Variants in EBF1 observed in about 807,000 individuals in gnomAD.
EBF1 encodes the protein transcription factor COE1.
EBF1 carries 10 observed loss-of-function variants against 68.4 expected under a neutral mutation model. The ratio of observed to expected loss-of-function variants is 0.15; its 90% CI spans 0.09 to 0.25. EBF1 has a LOEUF of 0.25. Ranked by LOEUF, EBF1 falls within the 10% of genes least tolerant of loss-of-function variation. The probability of loss-of-function intolerance (pLI) is 1.00; values close to 1 mark genes in which losing one functional copy is unlikely to be tolerated. For synonymous variants in EBF1, 298 were observed against 299.8 expected (o/e 0.99, Z 0.06); for missense variants, 509 against 794.4 (o/e 0.64, Z 4.32).
Position 159,017,894 on chromosome 5 carries a change from T to C in EBF1, c.554+55502A>G, listed in dbSNP as rs528815477. On this transcript the variant is annotated intron_variant, in intron 6 of 15. Coordinates refer to ENST00000313708, the MANE Select transcript of EBF1 (RefSeq NM_024007.5). ...CTGAAAGGACAGTCTCTAAAAATAC[T>C]AGTGCCTGTATAAACTTCTTTCTCC... Among the ~76,000 whole-genome samples the C allele has an allele frequency of 9.2e-5, 14 of 152,330 alleles. No individual in the cohort carries two copies. In the South Asian group the frequency reaches 1.9e-3, roughly 20 times the overall value.
chr5:158,795,529 T>C (rs12516662), intron 9 of EBF1, among the ~76,000 whole-genome samples: 87 of 152,320 alleles, frequency 5.7e-4, no homozygotes, highest in Admixed American at 4.9e-3. Flanking sequence ...CTTGTAACCC[T>C]AACATTGTTT....
chr5:158,943,975 T>A (rs1343538810), intron 6 of EBF1, among the ~76,000 whole-genome samples: 1 of 152,192 alleles, frequency 6.6e-6, no homozygotes, highest in Non-Finnish European at 1.5e-5. Flanking sequence ...GGACTGCGCC[T>A]TCCTAGACTT....
chr5:158,811,159 T>TG (rs1174187190), intron 8 of EBF1, among the ~76,000 whole-genome samples: 1 of 152,136 alleles, frequency 6.6e-6, no homozygotes, highest in African/African-American at 2.4e-5. Flanking sequence ...TGAGATGGGG[T>TG]GCCTGATAGT....
intron 10 of EBF1, among the ~76,000 whole-genome samples, chr5:158,762,614 C>T (rs775565113): frequency 6.6e-6 from 1 of 152,226 alleles, no homozygotes; most frequent in East Asian, 1.9e-4. Flanking sequence ...CAGCTCACTA[C>T]AAGCTCCACC....
chr5:158,913,759 G>A (rs1271190649), intron 6 of EBF1, among the ~76,000 whole-genome samples: 1 of 152,184 alleles, frequency 6.6e-6, no homozygotes, highest in African/African-American at 2.4e-5. Flanking sequence ...AGTTCGTGGA[G>A]GCTTTTCAAT....
chr5:158,953,195 C>A (rs983148632), intron 6 of EBF1, among the ~76,000 whole-genome samples: 1 of 152,192 alleles, frequency 6.6e-6, no homozygotes, highest in Non-Finnish European at 1.5e-5. Flanking sequence ...ACCGTCAAAC[C>A]CTTGCATCCA....
rs75064376 is a variant in EBF1 at position 159,008,288 on chromosome 5, G to A, written c.554+65108C>T. Among the ~76,000 whole-genome samples, 259 of 152,258 alleles carry A rather than the reference G, an allele frequency of 1.7e-3. 2 individuals are homozygous for A. Among genetic ancestry groups the A allele is most frequent in the Non-Finnish European group, 3.0e-3 (201 of 68,020 alleles). On this transcript the variant is annotated intron_variant, in intron 6 of 15. Transcript: ENST00000313708. Reference sequence around the variant, plus strand: ...CAGTTGAAGATTTATATTCAAAGGTGTTCATCACATGATATTTATAACCAT... The same window carrying A: ...CAGTTGAAGATTTATATTCAAAGGTATTCATCACATGATATTTATAACCAT...
At chr5:159,051,669 AT>A (rs1319069924) in intron 6 of EBF1, among the ~76,000 whole-genome samples, 1 of 151,712 alleles carries the variant, frequency 6.6e-6, no homozygotes, top group African/African-American at 2.4e-5. Flanking sequence ...GTAAGAAGTA[AT>A]TCATGAGTCC....
chr5:159,088,247 G>C (rs1426683210), intron 4 of EBF1, among the ~76,000 whole-genome samples: 1 of 152,104 alleles, frequency 6.6e-6, no homozygotes, highest in Non-Finnish European at 1.5e-5. Flanking sequence ...TCCAGCATAG[G>C]AATATATAAT....
rs915701882 is a variant in EBF1 at position 158,965,627 on chromosome 5, T to C, written c.554+107769A>G. On this transcript the variant is annotated intron_variant, in intron 6 of 15. Coordinates refer to ENST00000313708, the MANE Select transcript of EBF1 (RefSeq NM_024007.5). ...TATAACAGCTTTTGTAAATGTTGAT[T>C]TAAGATTTGGGATTAAAGAAGGAAC... Among the ~76,000 whole-genome samples, 7 of 152,222 alleles carry C rather than the reference T, an allele frequency of 4.6e-5. No individual in the cohort carries two copies. In the East Asian group the frequency reaches 1.3e-3, roughly 29 times the overall value.
chr5:158,986,333 T>C (rs1189855228), intron 6 of EBF1: 3 of 152,210 alleles, frequency 2.0e-5, no homozygotes, highest in Admixed American at 6.5e-5. Flanking sequence ...TAGACTTTTT[T>C]TAAGATTAAA....
intron 14 of EBF1, among the ~76,000 whole-genome samples, chr5:158,708,583 C>A (rs1336005205): frequency 6.6e-6 from 1 of 152,134 alleles, no homozygotes; most frequent in Non-Finnish European, 1.5e-5. Flanking sequence ...AGTGCAACAC[C>A]CTCTTATGAG....
intron 6 of EBF1, among the ~76,000 whole-genome samples, chr5:159,037,624 G>A (rs1770327651): frequency 7.7e-6 from 1 of 129,572 alleles, no homozygotes; most frequent in African/African-American, 3.0e-5. Context: ...CATGGACACA[G>A]GAAGGGGAAT....
intron 5 of EBF1, among the ~76,000 whole-genome samples, chr5:159,078,766 G>C (rs1028078404): frequency 2.0e-5 from 3 of 152,224 alleles, no homozygotes; most frequent in African/African-American, 7.2e-5. Context: ...GAAATCAGCA[G>C]CCCTTTCCTC....
chr5:158,871,749 G>A (rs949311338), intron 6 of EBF1, among the ~76,000 whole-genome samples: 4 of 152,198 alleles, frequency 2.6e-5, no homozygotes, highest in African/African-American at 9.7e-5. Flanking sequence ...TAGTGGATTT[G>A]CTCAATGACG....
intron 6 of EBF1, among the ~76,000 whole-genome samples, chr5:158,936,849 A>G (rs1812128726): frequency 6.6e-6 from 1 of 152,162 alleles, no homozygotes; most frequent in Admixed American, 6.5e-5. Flanking sequence ...GGATGGGTAA[A>G]TGAATAAAAT....
intron 6 of EBF1, among the ~76,000 whole-genome samples, chr5:158,852,297 C>T (rs1793108832): frequency 6.6e-6 from 1 of 151,984 alleles, no homozygotes; most frequent in Non-Finnish European, 1.5e-5. Flanking sequence ...ATAATCATTA[C>T]CCTTTTAATA....
intron 6 of EBF1, among the ~76,000 whole-genome samples, chr5:159,016,617 A>G (rs1428092343): frequency 6.6e-6 from 1 of 152,218 alleles, no homozygotes; most frequent in Non-Finnish European, 1.5e-5. Flanking sequence ...CGCCTTCTGA[A>G]GAACCTAGGC....
intron 8 of EBF1, among the ~76,000 whole-genome samples, chr5:158,808,764 A>G (rs1378357666): frequency 6.6e-6 from 1 of 152,118 alleles, no homozygotes; most frequent in Non-Finnish European, 1.5e-5. Context: ...AAGGAGAAGG[A>G]AAATAGGGAA....
Sources: allele counts gnomAD v4.1 joint callset (sites outside exome capture counted in the v4.1 genomes callset), GRCh38; gene constraint gnomAD v4.1.1; transcripts MANE v1.5; gene names NCBI Gene and HGNC (gene_info 2026-07-23, HGNC 2026-07-21).